EPHA6: variants seen among roughly 807,000 people sequenced by gnomAD.
EPHA6 encodes the protein ephrin type-A receptor 6.
In EPHA6, 50 loss-of-function variants were observed where a neutral mutation model predicts 112.0. That is an observed-to-expected ratio of 0.45 (90% CI 0.36 to 0.56). EPHA6 has a LOEUF of 0.56. Ranked by LOEUF, EPHA6 falls within the 20% of genes least tolerant of loss-of-function variation. The probability of loss-of-function intolerance (pLI) is 0.00; values close to 1 mark genes in which losing one functional copy is unlikely to be tolerated. For missense variants in EPHA6, 1,280 were observed against 1,417.4 expected (o/e 0.90, Z 1.56); for synonymous variants, 529 against 490.7 (o/e 1.08, Z -1.03).
chr3:97,367,903 C>T (rs2084830359), intron 5 of EPHA6, among the ~76,000 whole-genome samples: 2 of 152,028 alleles, frequency 1.3e-5, no homozygotes, highest in South Asian at 4.1e-4. Context: ...ATATAGAAGG[C>T]CAAAAATTAA....
chr3:97,195,221 T>C (rs961081777), intron 3 of EPHA6, among the ~76,000 whole-genome samples: 2 of 151,748 alleles, frequency 1.3e-5, no homozygotes, highest in Non-Finnish European at 2.9e-5. Context: ...TGCTTTTTAC[T>C]TTTTGTGTAA....
intron 1 of EPHA6, among the ~76,000 whole-genome samples, chr3:96,846,260 T>C (rs2035067485): frequency 6.6e-6 from 1 of 152,048 alleles, no homozygotes; most frequent in Admixed American, 6.6e-5. Context: ...TCTCAAAATG[T>C]AGTAAATTAA....
At chr3:97,625,745 A>T (rs1386664644) in intron 13 of EPHA6, among the ~76,000 whole-genome samples, 2 of 151,718 alleles carry the variant, frequency 1.3e-5, no homozygotes, top group Non-Finnish European at 3.0e-5. Flanking sequence ...GGATATTTTT[A>T]AAATAGATGA....
intron 11 of EPHA6, among the ~76,000 whole-genome samples, chr3:97,583,970 TAA>T (rs2093465468): frequency 1.3e-5 from 2 of 152,304 alleles, no homozygotes; most frequent in South Asian, 4.1e-4. Flanking sequence ...TTTAGAATTT[TAA>T]AAGTTTTGGA....
chr3:97,124,016 GAATGCATTTGTATCCTGTT>G (rs1196975114), intron 3 of EPHA6, among the ~76,000 whole-genome samples: 20 of 151,952 alleles, frequency 1.3e-4, no homozygotes, highest in African/African-American at 4.3e-4. Flanking sequence ...TATTTCTATG[GAATGCATTTGTATCCTGTT>G]AATAAACCAA....
At chr3:97,233,674 G>A (rs2108560469) in intron 4 of EPHA6, among the ~76,000 whole-genome samples, 1 of 152,194 alleles carries the variant, frequency 6.6e-6, no homozygotes, top group South Asian at 2.1e-4. Context: ...ATTACTATCT[G>A]GTGTCTTGGT....
At chr3:97,173,294 A>G (rs567812270) in intron 3 of EPHA6, among the ~76,000 whole-genome samples, 6 of 152,094 alleles carry the variant, frequency 3.9e-5, no homozygotes, top group African/African-American at 1.4e-4. Context: ...ATTTTAAGAC[A>G]TTTAAACAAA....
intron 10 of EPHA6, among the ~76,000 whole-genome samples, chr3:97,527,378 C>A (rs1232030478): frequency 6.6e-6 from 1 of 152,092 alleles, no homozygotes; most frequent in East Asian, 1.9e-4. Context: ...TCCAAGGGCT[C>A]CCACAAAGAA....
chr3:97,563,440 G>A (rs1262735868), intron 11 of EPHA6, among the ~76,000 whole-genome samples: 1 of 152,160 alleles, frequency 6.6e-6, no homozygotes, highest in East Asian at 1.9e-4. Context: ...CAGAAGATAA[G>A]GTCAGAGACG....
In EPHA6 at chr3:96,814,597, C is replaced by T. The variant is rs914749677; in HGVS notation, c.-27C>T. The T allele has an allele frequency of 1.5e-6, 2 of 1,308,400 alleles. No individual in the cohort carries two copies. Among genetic ancestry groups the T allele is most frequent in the Non-Finnish European group, 2.0e-6 (2 of 1,018,216 alleles). 81.0% of individuals were successfully genotyped at this position (1,308,400 alleles called of 1,614,324 possible). ...GCTCTCTCCGGCCCAAGTGAATAGTCCTCGCGCAAGCGGGACACTGTGGTG... is the reference window on the plus strand; with the variant it reads ...GCTCTCTCCGGCCCAAGTGAATAGTTCTCGCGCAAGCGGGACACTGTGGTG... On this transcript the variant is annotated 5_prime_UTR_variant, in exon 1 of 18. Coordinates refer to ENST00000389672, the MANE Select transcript of EPHA6 (RefSeq NM_001080448.3).
intron 14 of EPHA6, chr3:97,648,182 G>C: frequency 1.8e-6 from 1 of 543,908 alleles, no homozygotes; most frequent in Non-Finnish European, 3.3e-6. Flanking sequence ...CAGCAATTCA[G>C]TCGAAATACT....
chr3:97,470,333 C>A (rs779168113), intron 7 of EPHA6, among the ~76,000 whole-genome samples: 5 of 151,776 alleles, frequency 3.3e-5, no homozygotes, highest in East Asian at 1.9e-4. Context: ...ATGATGAAGA[C>A]AATTTATTTC....
intron 3 of EPHA6, among the ~76,000 whole-genome samples, chr3:97,207,551 C>T (rs2077746949): frequency 6.6e-6 from 1 of 152,016 alleles, no homozygotes; most frequent in Admixed American, 6.6e-5. Flanking sequence ...ATAATATGTT[C>T]CAATTTATGG....
At position 96,824,703 on chromosome 3, in the gene EPHA6, C is replaced by G. The variant is rs147185877; in HGVS notation, c.385+9695C>G. Among the ~76,000 whole-genome samples the G allele has an allele frequency of 3.1e-3, 475 of 152,068 alleles. 4 individuals are homozygous for G. Among genetic ancestry groups the G allele is most frequent in the African/African-American group, 0.011 (438 of 41,510 alleles). On this transcript the variant is annotated intron_variant, in intron 1 of 17. Transcript: ENST00000389672. Reference sequence around the variant, plus strand: ...TCAAAGTTACATGTATTCAGCTGTACAGTTGGTAAGTTACCATCTACAAAC... The same window carrying G: ...TCAAAGTTACATGTATTCAGCTGTAGAGTTGGTAAGTTACCATCTACAAAC...
intron 14 of EPHA6, among the ~76,000 whole-genome samples, chr3:97,643,291 G>A (rs1289148760): frequency 6.6e-6 from 1 of 151,326 alleles, no homozygotes; most frequent in Non-Finnish European, 1.5e-5. Flanking sequence ...CCTGAAGGAA[G>A]CGCTAAACAT....
chr3:97,480,673 C>T (rs1348561593), intron 9 of EPHA6, among the ~76,000 whole-genome samples: 5 of 152,216 alleles, frequency 3.3e-5, no homozygotes. Flanking sequence ...TCTTTCTTTT[C>T]CCCACATTTC....
At position 97,757,148 on chromosome 3, in the gene EPHA6, A is replaced by C. The variant is rs1435527517; in HGVS notation, c.*8447A>C. Among the ~76,000 whole-genome samples, 1 of 151,862 alleles carries C rather than the reference A, an allele frequency of 6.6e-6. No individual in the cohort carries two copies. Among genetic ancestry groups the C allele is most frequent in the Admixed American group, 6.6e-5 (1 of 15,262 alleles). On this transcript the variant is annotated 3_prime_UTR_variant, in exon 18 of 18. Coordinates refer to ENST00000389672, the MANE Select transcript of EPHA6 (RefSeq NM_001080448.3). Reference sequence around the variant, plus strand: ...TAAGGAAAACACTAAAAGGTAATACAGTACAAAGAGGAGTTTGTTTTAAAA... The same window carrying C: ...TAAGGAAAACACTAAAAGGTAATACCGTACAAAGAGGAGTTTGTTTTAAAA...
intron 10 of EPHA6, among the ~76,000 whole-genome samples, chr3:97,505,711 G>C (rs768480488): frequency 6.6e-6 from 1 of 152,104 alleles, no homozygotes; most frequent in Non-Finnish European, 1.5e-5. Context: ...CCCAGTAATG[G>C]GATTGCTGGG....
intron 12 of EPHA6, among the ~76,000 whole-genome samples, chr3:97,598,212 G>A (rs549947887): frequency 6.7e-6 from 1 of 148,210 alleles, no homozygotes; most frequent in South Asian, 2.1e-4. Context: ...ATCATTATAC[G>A]TTATTTAAAA....
Sources: allele counts gnomAD v4.1 joint callset (sites outside exome capture counted in the v4.1 genomes callset), GRCh38; gene constraint gnomAD v4.1.1; transcripts MANE v1.5; gene names NCBI Gene and HGNC (gene_info 2026-07-23, HGNC 2026-07-21).